DCDC1: variants seen among roughly 807,000 people sequenced by gnomAD.
DCDC1 encodes doublecortin domain-containing protein 1.
A neutral mutation model predicts 178.3 loss-of-function variants in DCDC1; 200 were observed. That is an observed-to-expected ratio of 1.12 (90% CI 1.00 to 1.26). The LOEUF (loss-of-function observed/expected upper bound fraction) is 1.26. Among genes scored for constraint, DCDC1 ranks in the 50% most tolerant of loss-of-function variants. The pLI, the probability that DCDC1 is intolerant of heterozygous loss-of-function variation, is 0.00. For synonymous variants in DCDC1, 690 were observed against 604.8 expected (o/e 1.14, Z -2.07); for missense variants, 1,983 against 1,749.2 (o/e 1.13, Z -2.38).
rs549057679 is a variant in DCDC1 at position 30,988,492 on chromosome 11, G to C, written c.2592-35924C>G. Among the ~76,000 whole-genome samples the C allele has an allele frequency of 3.0e-4, 45 of 151,332 alleles. No homozygotes were observed. The Middle Eastern group carries it at 0.01, about 35-fold the overall frequency. On this transcript the variant is annotated intron_variant, in intron 20 of 38. Coordinates refer to ENST00000684477, the MANE Select transcript of DCDC1 (RefSeq NM_001387274.1). ...GAAAGGAAAATAAGCACTCTATTTG[G>C]TCACCTCTGTGACCTAATCTCCTAA... is the stretch of plus-strand genomic sequence containing the variant.
At chr11:31,042,083 T>G (rs1954495626) in intron 20 of DCDC1, among the ~76,000 whole-genome samples, 1 of 152,210 alleles carries the variant, frequency 6.6e-6, no homozygotes. Context: ...TGTCTTTTCC[T>G]TTAACAATAA....
At chr11:30,944,219 C>T (rs1030070071) in intron 21 of DCDC1, 3 of 429,144 alleles carry the variant, frequency 7.0e-6, no homozygotes, top group African/African-American at 6.2e-5. Context: ...CTTTATTCAT[C>T]AACTCTGTCT....
intron 1 of DCDC1, among the ~76,000 whole-genome samples, chr11:31,349,791 A>G (rs1442191503): frequency 6.6e-6 from 1 of 152,148 alleles, no homozygotes; most frequent in Non-Finnish European, 1.5e-5. Context: ...GCTGGAGCCC[A>G]GGAGTTCAAG....
At chr11:31,354,234 C>T (rs1385744973) in intron 1 of DCDC1, among the ~76,000 whole-genome samples, 2 of 152,026 alleles carry the variant, frequency 1.3e-5, no homozygotes, top group Non-Finnish European at 2.9e-5. Context: ...TGCAGTGAGC[C>T]GAGATCGCAC....
At chr11:31,191,145 G>C (rs1565408838) in intron 9 of DCDC1, among the ~76,000 whole-genome samples, 1 of 152,068 alleles carries the variant, frequency 6.6e-6, no homozygotes, top group Non-Finnish European at 1.5e-5. Flanking sequence ...ATGTTGTGTT[G>C]TTTAGGGAAT....
chr11:31,173,873 A>T (rs1297214630), intron 9 of DCDC1, among the ~76,000 whole-genome samples: 1 of 152,062 alleles, frequency 6.6e-6, no homozygotes, highest in Non-Finnish European at 1.5e-5. Flanking sequence ...AAAGGATCTC[A>T]TTCATGTGCT....
chr11:31,129,700 C>G (rs915850887), intron 10 of DCDC1, among the ~76,000 whole-genome samples: 13 of 152,042 alleles, frequency 8.6e-5, no homozygotes, highest in African/African-American at 3.1e-4. Flanking sequence ...CCCTCATCCC[C>G]CTCCCCAGTT....
At chr11:31,149,504 G>A (rs1046009436) in intron 9 of DCDC1, among the ~76,000 whole-genome samples, 1 of 151,784 alleles carries the variant, frequency 6.6e-6, no homozygotes, top group African/African-American at 2.4e-5. Context: ...GCCAGCAGCA[G>A]CAACCCGCCC....
At chr11:31,167,445 C>A (rs150465040) in intron 9 of DCDC1, among the ~76,000 whole-genome samples, 31 of 152,132 alleles carry the variant, frequency 2.0e-4, no homozygotes, top group African/African-American at 7.2e-4. Context: ...TTAGATTTTA[C>A]TAGTCAGCAA....
At chr11:30,955,566 C>T (rs1195054430) in intron 20 of DCDC1, among the ~76,000 whole-genome samples, 1 of 152,196 alleles carries the variant, frequency 6.6e-6, no homozygotes, top group African/African-American at 2.4e-5. Flanking sequence ...ATAACTACAC[C>T]ACTTTCAAAA....
At chr11:31,280,352 A>G (rs1854782) in intron 7 of DCDC1, among the ~76,000 whole-genome samples, 3,130 of 152,284 alleles carry the variant, frequency 0.021, 96 homozygotes, top group African/African-American at 0.07. Context: ...ATATAAAACC[A>G]ATCACCAGTA....
chr11:30,961,848 T>A (rs552329513), intron 20 of DCDC1, among the ~76,000 whole-genome samples: 3 of 152,060 alleles, frequency 2.0e-5, no homozygotes, highest in Non-Finnish European at 4.4e-5. Flanking sequence ...CAAAATTCCA[T>A]GGATTTGAAC....
chr11:31,049,242 C>T (rs1349832500), intron 20 of DCDC1, among the ~76,000 whole-genome samples: 1 of 152,138 alleles, frequency 6.6e-6, no homozygotes, highest in Non-Finnish European at 1.5e-5. Flanking sequence ...AAGACGGTAA[C>T]TTGACAGGCC....
intron 20 of DCDC1, among the ~76,000 whole-genome samples, chr11:30,954,777 A>G (rs1453383432): frequency 1.3e-5 from 2 of 152,196 alleles, no homozygotes; most frequent in African/African-American, 2.4e-5. Context: ...TGAGCCTGCA[A>G]ATTTTCTGAG....
intron 18 of DCDC1, 105 bp from the exon 19 acceptor site, chr11:31,065,258 G>T: frequency 2.0e-6 from 1 of 510,530 alleles, no homozygotes; most frequent in East Asian, 2.9e-5. Context: ...ATAGTAAAAA[G>T]GTCTGGCTAA....
At chr11:31,273,676 C>T (rs765685750) in intron 7 of DCDC1, among the ~76,000 whole-genome samples, 5 of 152,264 alleles carry the variant, frequency 3.3e-5, no homozygotes, top group Admixed American at 6.5e-5. Context: ...GTTCGAAAGT[C>T]GCTTCCACAT....
chr11:31,052,759 T>G (rs1030817092), intron 20 of DCDC1, among the ~76,000 whole-genome samples: 2 of 152,064 alleles, frequency 1.3e-5, no homozygotes, highest in Admixed American at 1.3e-4. Context: ...GAAATCAAGA[T>G]GGAAATTTAA....
intron 7 of DCDC1, among the ~76,000 whole-genome samples, chr11:31,278,281 C>T (rs1428149524): frequency 6.6e-6 from 1 of 151,888 alleles, no homozygotes; most frequent in Non-Finnish European, 1.5e-5. Context: ...ATTATTTTAG[C>T]TTTATAATAG....
chr11:31,084,376 GT>G (rs1957357407), intron 17 of DCDC1, among the ~76,000 whole-genome samples: 1 of 151,800 alleles, frequency 6.6e-6, no homozygotes, highest in Non-Finnish European at 1.5e-5. Context: ...ATAAAATATG[GT>G]TATCTTAAAA....
Sources: gnomAD v4.1 joint callset for allele counts (sites outside exome capture counted in the v4.1 genomes callset) on GRCh38, gnomAD v4.1.1 for gene constraint, MANE v1.5 for transcripts, NCBI Gene and HGNC (gene_info 2026-07-23, HGNC 2026-07-21) for gene names.